The following CDK8 variants were observed in gnomAD, a reference collection of about 807,000 sequenced individuals.
The protein encoded by CDK8 is cyclin dependent kinase 8.
Under a neutral mutation model 71.5 loss-of-function variants are expected in CDK8, and 29 were observed. The observed-to-expected ratio is 0.41, with a 90% CI of 0.30 to 0.55. The LOEUF (loss-of-function observed/expected upper bound fraction) is 0.55. CDK8 is among the 20% of genes least tolerant of loss of function. The pLI, the probability that CDK8 is intolerant of heterozygous loss-of-function variation, is 0.37. For missense variants in CDK8, 288 were observed against 572.6 expected (o/e 0.50, Z 5.07); for synonymous variants, 161 against 192.1 (o/e 0.84, Z 1.34).
intron 1 of CDK8, among the ~76,000 whole-genome samples, chr13:26,319,566 A>G (rs544171298): frequency 4.6e-5 from 7 of 152,200 alleles, no homozygotes; most frequent in African/African-American, 1.7e-4. Context: ...AACTGAAGAC[A>G]TAAGTCGATG....
At chr13:26,333,175 C>A (rs1007458892) in intron 1 of CDK8, among the ~76,000 whole-genome samples, 2 of 151,682 alleles carry the variant, frequency 1.3e-5, no homozygotes, top group African/African-American at 4.8e-5. Flanking sequence ...GTCTCGCTCT[C>A]ATCCCCCAGG....
intron 4 of CDK8, among the ~76,000 whole-genome samples, chr13:26,356,762 C>CT (rs1873916105): frequency 6.6e-6 from 1 of 152,064 alleles, no homozygotes; most frequent in Non-Finnish European, 1.5e-5. Flanking sequence ...TATCACATAA[C>CT]TTTTTTAACA....
intron 1 of CDK8, among the ~76,000 whole-genome samples, chr13:26,266,359 C>T (rs1327532807): frequency 3.9e-5 from 6 of 152,008 alleles, no homozygotes; most frequent in Non-Finnish European, 7.4e-5. Flanking sequence ...AGACAAGGGC[C>T]TTGTATAAAG....
At chr13:26,313,862 A>G (rs149890729) in intron 1 of CDK8, among the ~76,000 whole-genome samples, 257 of 152,314 alleles carry the variant, frequency 1.7e-3, no homozygotes, top group African/African-American at 5.2e-3. Flanking sequence ...AGGTCGGAGA[A>G]CAGGGATTTG....
Position 26,350,492 on chromosome 13 carries a change from T to C in CDK8, c.315+1310T>C, listed in dbSNP as rs1394131447. Among the ~76,000 whole-genome samples the C allele has an allele frequency of 2.0e-5, 3 of 152,232 alleles. No homozygotes were observed. In the East Asian group the frequency reaches 5.8e-4, roughly 29 times the overall value. ...TCTGCAAAAAATAAAAAAAATTAGC[T>C]GGGCTCAGTGGCACATGCTGTGGTC... On this transcript the variant is annotated intron_variant, in intron 3 of 12. Transcript: ENST00000381527.
At chr13:26,399,775 G>C (rs929947816) in intron 9 of CDK8, among the ~76,000 whole-genome samples, 3 of 152,172 alleles carry the variant, frequency 2.0e-5, no homozygotes, top group Admixed American at 2.0e-4. Flanking sequence ...TGACAAATGA[G>C]GTAACAAAAA....
At chr13:26,270,407 C>T (rs947001191) in intron 1 of CDK8, among the ~76,000 whole-genome samples, 25 of 147,570 alleles carry the variant, frequency 1.7e-4, no homozygotes, top group African/African-American at 6.5e-4. Flanking sequence ...AAAAAAAATA[C>T]ACACACACAC....
At chr13:26,400,574 C>A in intron 10 of CDK8, 24 bp downstream of exon 10, 2 of 1,380,410 alleles carry the variant, frequency 1.4e-6, no homozygotes, top group East Asian at 2.3e-5. Context: ...TTGGTTAACT[C>A]ATCAGCATGA....
chr13:26,336,585 G>A (rs1240543342), intron 1 of CDK8, among the ~76,000 whole-genome samples: 1 of 130,980 alleles, frequency 7.6e-6, no homozygotes, highest in East Asian at 2.2e-4. Context: ...ACGGAGTCTC[G>A]CTCTGTCGCC....
chr13:26,274,428 T>C (rs1264357610), intron 1 of CDK8, among the ~76,000 whole-genome samples: 1 of 151,910 alleles, frequency 6.6e-6, no homozygotes, highest in Non-Finnish European at 1.5e-5. Context: ...TGTTATGTTT[T>C]CTTTCTTTCT....
chr13:26,390,753 G>A (rs1027019546), intron 6 of CDK8, among the ~76,000 whole-genome samples: 3 of 152,116 alleles, frequency 2.0e-5, no homozygotes, highest in African/African-American at 7.2e-5. Context: ...AAAACAAGAA[G>A]CTTGCTATTA....
chr13:26,389,344 G>C (rs1352368604), intron 6 of CDK8, among the ~76,000 whole-genome samples: 2 of 151,920 alleles, frequency 1.3e-5, no homozygotes, highest in African/African-American at 4.8e-5. Context: ...ATTTTTAGTA[G>C]AGACAGGGTT....
intron 1 of CDK8, among the ~76,000 whole-genome samples, chr13:26,315,936 G>C (rs1394065344): frequency 1.3e-5 from 2 of 152,174 alleles, no homozygotes; most frequent in Non-Finnish European, 2.9e-5. Flanking sequence ...TCTGTTGAAG[G>C]CTTGTAAGTT....
At chr13:26,332,280 G>A (rs1387066757) in intron 1 of CDK8, among the ~76,000 whole-genome samples, 2 of 151,874 alleles carry the variant, frequency 1.3e-5, no homozygotes, top group African/African-American at 4.8e-5. Flanking sequence ...GAGGTCAGGA[G>A]TTTGAGACCA....
chr13:26,263,299 C>A (rs1871860948), intron 1 of CDK8, among the ~76,000 whole-genome samples: 1 of 151,744 alleles, frequency 6.6e-6, no homozygotes, highest in Admixed American at 6.6e-5. Flanking sequence ...CCACACCCGG[C>A]TAGTTTTTTA....
chr13:26,292,510 A>G (rs1472683828), intron 1 of CDK8, among the ~76,000 whole-genome samples: 1 of 152,210 alleles, frequency 6.6e-6, no homozygotes, highest in Non-Finnish European at 1.5e-5. Flanking sequence ...ATTTGTTTTA[A>G]GGGCATGAAC....
At chr13:26,397,130 A>G in intron 8 of CDK8, 23 bp from the exon 9 acceptor site, 1 of 1,376,604 alleles carries the variant, frequency 7.3e-7, no homozygotes, top group African/African-American at 1.4e-5. Context: ...TAATATAGCT[A>G]TTTCATAGTA....
At chr13:26,377,211 G>T (rs1365859570) in intron 4 of CDK8, among the ~76,000 whole-genome samples, 1 of 152,226 alleles carries the variant, frequency 6.6e-6, no homozygotes, top group South Asian at 2.1e-4. Flanking sequence ...CCCAACAGGG[G>T]GTGCAGCCCC....
intron 1 of CDK8, among the ~76,000 whole-genome samples, chr13:26,328,955 C>G (rs1875158718): frequency 2.0e-5 from 3 of 152,284 alleles, no homozygotes; most frequent in Middle Eastern, 3.4e-3. Context: ...AGTCTCAATT[C>G]TCTGCCATTG....
Sources: allele counts gnomAD v4.1 joint callset (sites outside exome capture counted in the v4.1 genomes callset), GRCh38; gene constraint gnomAD v4.1.1; transcripts MANE v1.5; gene names NCBI Gene and HGNC (gene_info 2026-07-23, HGNC 2026-07-21).